RYR2: variants seen among roughly 807,000 people sequenced by gnomAD.
RYR2 encodes the protein ryanodine receptor 2.
Under a neutral mutation model 601.1 loss-of-function variants are expected in RYR2, and 227 were observed. The ratio of observed to expected loss-of-function variants is 0.38; its 90% CI spans 0.34 to 0.42. The LOEUF is 0.42. RYR2 is among the 10% of genes least tolerant of loss of function. The pLI, the probability that RYR2 is intolerant of heterozygous loss-of-function variation, is 1.00. For synonymous variants in RYR2, 2,223 were observed against 2,175.1 expected, an observed-to-expected ratio of 1.02 and a Z score of -0.61; for missense variants, 4,646 against 6,156.5, an observed-to-expected ratio of 0.75 and a Z score of 8.21.
At chr1:237,559,149 A>T (rs1671202877) in intron 27 of RYR2, among the ~76,000 whole-genome samples, 1 of 151,974 alleles carries the variant, frequency 6.6e-6, no homozygotes, top group South Asian at 2.1e-4. Context: ...AATACTGGCA[A>T]AAAATTATGC....
chr1:237,665,637 A>G (rs1231590378), intron 56 of RYR2, among the ~76,000 whole-genome samples: 1 of 152,204 alleles, frequency 6.6e-6, no homozygotes, highest in East Asian at 1.9e-4. Context: ...AGGTTTGAAC[A>G]GTGTCCTCAT....
At chr1:237,575,324 C>T (rs1424399982) in intron 29 of RYR2, among the ~76,000 whole-genome samples, 1 of 152,178 alleles carries the variant, frequency 6.6e-6, no homozygotes, top group Non-Finnish European at 1.5e-5. Context: ...GAGGAGCTCT[C>T]CTGACACATC....
At chr1:237,057,980 C>G (rs1026044379) in intron 1 of RYR2, among the ~76,000 whole-genome samples, 2 of 152,160 alleles carry the variant, frequency 1.3e-5, no homozygotes, top group African/African-American at 4.8e-5. Flanking sequence ...CTCTATAAAG[C>G]TTTGTTGGTT....
At chr1:237,741,758 T>C (rs1691628771) in intron 79 of RYR2, among the ~76,000 whole-genome samples, 1 of 152,084 alleles carries the variant, frequency 6.6e-6, no homozygotes, top group East Asian at 1.9e-4. Context: ...CCCGCCACCA[T>C]GCCCAGCTAA....
intron 4 of RYR2, 111 bp from the exon 5 acceptor site, chr1:237,364,247 A>G: frequency 1.1e-6 from 1 of 907,702 alleles, no homozygotes; most frequent in South Asian, 1.9e-5. Flanking sequence ...TTTATTGTTT[A>G]CATAGCTCCA....
intron 36 of RYR2, among the ~76,000 whole-genome samples, chr1:237,612,094 T>C (rs1456184558): frequency 6.6e-6 from 1 of 152,128 alleles, no homozygotes; most frequent in Non-Finnish European, 1.5e-5. Context: ...ATAAAAATGA[T>C]TGAAGTACTG....
chr1:237,483,450 A>G (rs1419799121), intron 17 of RYR2, among the ~76,000 whole-genome samples: 2 of 152,230 alleles, frequency 1.3e-5, no homozygotes, highest in African/African-American at 2.4e-5. Flanking sequence ...ACACTGGAGC[A>G]CAGAGATGTT....
chr1:237,783,867 T>A lies in RYR2; in HGVS notation c.12155T>A (p.Met4052Lys). 1 of 1,613,864 alleles carries A rather than the reference T, an allele frequency of 6.2e-7. No homozygotes were observed. Among genetic ancestry groups the A allele is most frequent in the Non-Finnish European group, 8.5e-7 (1 of 1,179,842 alleles). The change falls in exon 90 of 105, where the codon ATG becomes AAG. Residue 4052 changes from methionine (M) to lysine (K), a missense_variant. Transcript: ENST00000366574. The stretch of plus-strand genomic sequence containing the variant: ...TCCAAGAGGGACTTCCACAAAGCGA[T>A]GGAGAGCCATAAGCACTACACGCAG... ...VISKRDFHKA[M>K]ESHKHYTQSE...
Position 237,791,778 on chromosome 1 carries a change from T to C in RYR2, c.13563+263T>C, listed in dbSNP as rs117842309. ...ATTCCCAGCCTAATTTAGCTGAATA[T>C]CTTATTTGTGACTATGCCTGGGTGT... On this transcript the variant is annotated intron_variant, in intron 93 of 104. Transcript: ENST00000366574. 715 of 556,826 alleles carry C rather than the reference T, an allele frequency of 1.3e-3. 5 individuals are homozygous for C. The East Asian group carries it at 0.02, about 15-fold the overall frequency. The allele number at this position is 556,826 out of a possible 1,614,324, so 34.5% of individuals were successfully genotyped here.
chr1:237,265,614 G>A (rs556639055), intron 1 of RYR2, among the ~76,000 whole-genome samples: 16 of 152,234 alleles, frequency 1.1e-4, no homozygotes, highest in African/African-American at 3.1e-4. Flanking sequence ...GAGCTACCGC[G>A]CCTGGCCTGC....
Position 237,680,577 on chromosome 1 carries a change from G to A in RYR2, c.9017G>A (p.Ser3006Asn). 2 of 1,596,382 alleles carry A rather than the reference G, an allele frequency of 1.3e-6. No individual in the cohort carries two copies. The highest frequency in any genetic ancestry group is 1.7e-6 in the Non-Finnish European group (2 of 1,171,012). ...ASNKEKEMVT[S>N]LFCKLGVLVR... ...AACAAAGAGAAAGAAATGGTGACTAGGTAAACAGCTATAAAAATAAGCACT... is the reference window on the plus strand; with the variant it reads ...AACAAAGAGAAAGAAATGGTGACTAAGTAAACAGCTATAAAAATAAGCACT... The change falls in exon 62 of 105, where the codon AGC (serine) becomes AAC (asparagine). Residue 3006 changes from serine to asparagine, a missense_variant and splice_region_variant. Physicochemically the swap from Ser to Asn is conservative, Grantham distance 46. Transcript: ENST00000366574.
At chr1:237,365,915 A>G (rs1425509921) in intron 5 of RYR2, among the ~76,000 whole-genome samples, 1 of 152,238 alleles carries the variant, frequency 6.6e-6, no homozygotes, top group African/African-American at 2.4e-5. Context: ...TAATTTAATT[A>G]GGCCCCCAGT....
chr1:237,830,248 A>G, intron 102 of RYR2: 1 of 308,700 alleles, frequency 3.2e-6, no homozygotes, highest in Non-Finnish European at 6.2e-6. Context: ...CCTAGGCTAG[A>G]GAAAGGAAGA....
At chr1:237,702,605 C>T (rs1359922937) in intron 66 of RYR2, among the ~76,000 whole-genome samples, 3 of 151,994 alleles carry the variant, frequency 2.0e-5, no homozygotes, top group Admixed American at 2.0e-4. Flanking sequence ...AAAACATATT[C>T]TGATAGAAGA....
rs111655378 is a variant in RYR2, at chr1:237,180,522, T to C, written c.49-89975T>C. Among the ~76,000 whole-genome samples, 1,484 of 151,790 alleles carry C rather than the reference T, an allele frequency of 9.8e-3. 34 individuals are homozygous for C. Among genetic ancestry groups the C allele is most frequent in the African/African-American group, 0.035 (1,433 of 41,412 alleles). The stretch of plus-strand genomic sequence containing the variant: ...TTCAGTGCAACCCTTCTTTTTCTGC[T>C]TAGTCTTTCTGGTTGGCTCAGATTG... On this transcript the variant is annotated intron_variant, in intron 1 of 104. Transcript: ENST00000366574. This position sits in a 1 kb window ranked among gnomAD's most constrained non-coding sequence, Gnocchi z 5.3.
chr1:237,245,113 A>C (rs1686672173), intron 1 of RYR2, among the ~76,000 whole-genome samples: 1 of 151,926 alleles, frequency 6.6e-6, no homozygotes, highest in Non-Finnish European at 1.5e-5. Context: ...GCTGCTTGGG[A>C]GACTGAGGCA....
intron 25 of RYR2, among the ~76,000 whole-genome samples, chr1:237,545,141 C>G (rs1275129806): frequency 2.6e-5 from 4 of 152,186 alleles, no homozygotes; most frequent in Admixed American, 2.6e-4. Context: ...TAAACAGATG[C>G]AAATGCATCT....
chr1:237,232,118 C>T (rs1279095665), intron 1 of RYR2, among the ~76,000 whole-genome samples: 1 of 152,256 alleles, frequency 6.6e-6, no homozygotes, highest in East Asian at 1.9e-4. Flanking sequence ...GTACATAACT[C>T]CTAAAATCCT....
chr1:237,282,217 T>C (rs1194708886), intron 2 of RYR2, among the ~76,000 whole-genome samples: 3 of 150,086 alleles, frequency 2.0e-5, no homozygotes, highest in Admixed American at 1.3e-4. Flanking sequence ...TAGAGCCAGA[T>C]GGGAAATATT....
Sources: gnomAD v4.1 joint callset for allele counts (sites outside exome capture counted in the v4.1 genomes callset) on GRCh38, gnomAD v4.1.1 for gene constraint, Gnocchi (gnomAD v3.1) non-coding constraint, MANE v1.5 for transcripts, NCBI Gene and HGNC (gene_info 2026-07-23, HGNC 2026-07-21) for gene names.